DRICH1: variants seen among roughly 807,000 people sequenced by gnomAD.
DRICH1 encodes the protein aspartate rich 1, also known as aspartate-rich protein 1.
Under a neutral mutation model 39.5 loss-of-function variants are expected in DRICH1, and 38 were observed. That is an observed-to-expected ratio of 0.96 (90% CI 0.74 to 1.26). The LOEUF (loss-of-function observed/expected upper bound fraction) is 1.26. Ranked by LOEUF, DRICH1 falls within the 50% of genes most tolerant of loss-of-function variation. The pLI is 0.00. For missense variants in DRICH1, 279 were observed against 270.4 expected (o/e 1.03, Z -0.22); for synonymous variants, 84 against 99.5 (o/e 0.84, Z 0.93).
In DRICH1 at chr22:23,625,989, C is replaced by T. The variant is rs771584327; in HGVS notation, c.268G>A (p.Asp90Asn). The change falls in exon 2 of 12, where the codon GAT (aspartate) becomes AAT (asparagine). Residue 90 changes from aspartate to asparagine, a missense_variant. Transcript: ENST00000317749. ...AAGAAAGGGGGTCTTACCTTGGCAT[C>T]ATCATTGTCTTCCTCACTTGATGGC... The part of the protein sequence containing the change: ...FLPSSEEDND[D>N]AKILPSPVQG... 77 of 1,610,988 alleles carry T rather than the reference C, an allele frequency of 4.8e-5. No homozygotes were observed. Among genetic ancestry groups the T allele is most frequent in the Non-Finnish European group, 6.5e-5 (77 of 1,179,060 alleles).
chr22:23,587,884 A>G, the DRICH1 span, among the ~76,000 whole-genome samples: 1 of 152,212 alleles, frequency 6.6e-6, no homozygotes, highest in African/African-American at 2.4e-5. Context: ...AGTTTTAGCA[A>G]GATTCCTGCT....
rs759281979 is a variant in DRICH1, at chr22:23,617,564, G to T, written c.519+11C>A. 3 of 1,612,656 alleles carry T rather than the reference G, an allele frequency of 1.9e-6. No homozygotes were observed. Among genetic ancestry groups the T allele is most frequent in the South Asian group, 1.1e-5 (1 of 91,062 alleles). On this transcript the variant is annotated intron_variant, in intron 7 of 11. Coordinates refer to ENST00000317749, the MANE Select transcript of DRICH1 (RefSeq NM_016449.4). ...AACATTTCCTTAGAAGACAAAGAAAGGTTGTCTTACCTGGGCATCATCATC... is the reference window on the plus strand; with the variant it reads ...AACATTTCCTTAGAAGACAAAGAAATGTTGTCTTACCTGGGCATCATCATC...
intron 11 of DRICH1, among the ~76,000 whole-genome samples, chr22:23,610,133 G>A (rs968033804): frequency 4.7e-4 from 71 of 152,082 alleles, no homozygotes; most frequent in African/African-American, 1.6e-3. Flanking sequence ...AGGGCACGAC[G>A]TGGTCTCCAT....
the DRICH1 span, among the ~76,000 whole-genome samples, chr22:23,594,941 T>C: frequency 3.4e-5 from 5 of 148,810 alleles, no homozygotes; most frequent in Admixed American, 2.0e-4. Context: ...TGTGCAAATG[T>C]TGATGAAGTC....
At position 23,610,023 on chromosome 22, in the gene DRICH1, A is replaced by G. The variant is rs546098223; in HGVS notation, c.686-1255T>C. On this transcript the variant is annotated intron_variant, in intron 11 of 11. Transcript: ENST00000317749. ...GACAGGTCCTTACGAACCATCTCCT[A>G]TGCCCGTTCTGAGGAGCCCTCTGGT... Among the ~76,000 whole-genome samples the G allele has an allele frequency of 3.2e-4, 48 of 151,592 alleles. No individual in the cohort carries two copies. The South Asian group carries it at 9.4e-3, about 30-fold the overall frequency.
chr22:23,595,422 C>G, the DRICH1 span, among the ~76,000 whole-genome samples: 1 of 72,674 alleles, frequency 1.4e-5, no homozygotes, highest in Non-Finnish European at 3.2e-5. Context: ...TTAGCCTAAC[C>G]AGAACAGAAA....
At chr22:23,601,794 C>T in the DRICH1 span, among the ~76,000 whole-genome samples, 3 of 152,224 alleles carry the variant, frequency 2.0e-5, no homozygotes, top group Non-Finnish European at 2.9e-5. Flanking sequence ...ATTTAAAAAG[C>T]GGTCACATCC....
intron 1 of DRICH1, chr22:23,630,571 C>G (rs1210065854): frequency 6.6e-6 from 1 of 152,100 alleles, no homozygotes; most frequent in Non-Finnish European, 1.5e-5. Flanking sequence ...GGTGAGAGGA[C>G]CACCATAGGC....
Position 23,631,608 on chromosome 22 carries a change from G to A in DRICH1, c.208+208C>T, listed in dbSNP as rs1602356407. Among the ~76,000 whole-genome samples the A allele has an allele frequency of 3.9e-5, 6 of 152,104 alleles. 1 individual carries two copies. The South Asian group carries it at 1.2e-3, about 32-fold the overall frequency. ...GGTATTTGAATTTTCATTGAGAAAA[G>A]GGCTCTCCCTTTTCTAGATCAAAAA... On this transcript the variant is annotated intron_variant, in intron 1 of 11. Coordinates refer to ENST00000317749, the MANE Select transcript of DRICH1 (RefSeq NM_016449.4).
At chr22:23,614,029 A>G in intron 9 of DRICH1, 106 bp downstream of exon 9, 1 of 767,434 alleles carries the variant, frequency 1.3e-6, no homozygotes, top group South Asian at 1.6e-5. Context: ...AATAGTGTAC[A>G]GTGTACATAA....
At chr22:23,620,461 T>C (rs1388102830) in intron 5 of DRICH1, 133 bp downstream of exon 5, 4 of 1,051,526 alleles carry the variant, frequency 3.8e-6, no homozygotes, top group African/African-American at 3.1e-5. Context: ...CCTCTGCTCA[T>C]AGTTATACAC....
chr22:23,622,763 GCCCACAACCTTTTGGGC>G (rs1316942438), intron 3 of DRICH1, among the ~76,000 whole-genome samples: 2 of 133,534 alleles, frequency 1.5e-5, no homozygotes, highest in African/African-American at 2.8e-5. Context: ...AATGGTGTGT[GCCCACAACCTTTTGGGC>G]CCCTGTAATC....
chr22:23,582,184 G>C, the DRICH1 span, among the ~76,000 whole-genome samples: 2 of 150,764 alleles, frequency 1.3e-5, no homozygotes, highest in Admixed American at 1.3e-4. Context: ...TCAGCATGTT[G>C]GTCAGGCTGG....
chr22:23,617,805 C>T (rs1927454844), intron 6 of DRICH1, 148 bp from the exon 7 acceptor site: 2 of 749,434 alleles, frequency 2.7e-6, no homozygotes, highest in East Asian at 2.6e-5. Flanking sequence ...AGGAGGGGAG[C>T]AGGCATGAGG....
At chr22:23,613,914 G>A (rs1278092465) in intron 9 of DRICH1, among the ~76,000 whole-genome samples, 1 of 152,178 alleles carries the variant, frequency 6.6e-6, no homozygotes, top group Non-Finnish European at 1.5e-5. Context: ...TGTGGAAAAT[G>A]CCTCAGTATT....
chr22:23,607,601 G>A (rs747912792), downstream of DRICH1, among the ~76,000 whole-genome samples: 6 of 152,134 alleles, frequency 3.9e-5, no homozygotes, highest in African/African-American at 1.2e-4. Context: ...TCTCATTAGA[G>A]GCCCGGGTAT....
chr22:23,616,946 G>T, intron 7 of DRICH1, 72 bp from the exon 8 acceptor site: 7 of 1,547,692 alleles, frequency 4.5e-6, no homozygotes, highest in Non-Finnish European at 6.2e-6. Flanking sequence ...AGATCTGTTA[G>T]TCTCTTGATG....
At chr22:23,627,369 G>C (rs138557286) in intron 1 of DRICH1, among the ~76,000 whole-genome samples, 2 of 152,084 alleles carry the variant, frequency 1.3e-5, no homozygotes, top group Admixed American at 1.3e-4. Context: ...CACCACGCCC[G>C]GCCCTGAACT....
the DRICH1 span, chr22:23,583,746 G>A: frequency 6.6e-6 from 1 of 152,598 alleles, no homozygotes; most frequent in East Asian, 1.9e-4. Context: ...CCCCAATCCA[G>A]TCTAGCTTCT....
Sources: allele counts gnomAD v4.1 joint callset (sites outside exome capture counted in the v4.1 genomes callset), GRCh38; gene constraint gnomAD v4.1.1; transcripts MANE v1.5; gene names NCBI Gene and HGNC (gene_info 2026-07-23, HGNC 2026-07-21).